Variants in XKR9 observed in about 807,000 individuals in gnomAD.
XKR9 encodes XK-related protein 9.
A neutral mutation model predicts 32.0 loss-of-function variants in XKR9; 32 were observed. The ratio of observed to expected loss-of-function variants is 1.00; its 90% CI spans 0.76 to 1.34. XKR9 has a LOEUF of 1.34. XKR9 is among the 40% of genes most tolerant of loss of function. The pLI is 0.00. For synonymous variants in XKR9, 168 were observed against 143.4 expected (o/e 1.17, Z -1.22); for missense variants, 546 against 429.7 (o/e 1.27, Z -2.39).
chr8:70,730,390 C>T (rs1806624328), intron 4 of XKR9, among the ~76,000 whole-genome samples: 1 of 151,982 alleles, frequency 6.6e-6, no homozygotes, highest in African/African-American at 2.4e-5. Context: ...ACAGTTTTCT[C>T]CATAGAGCTC....
intron 2 of XKR9, among the ~76,000 whole-genome samples, chr8:70,756,970 A>C (rs1482048237): frequency 6.6e-6 from 1 of 152,226 alleles, no homozygotes; most frequent in African/African-American, 2.4e-5. Flanking sequence ...TATGATGTTA[A>C]CTGTGGATAT....
chr8:70,696,769 TG>T (rs1168252354), intron 3 of XKR9, among the ~76,000 whole-genome samples: 1 of 151,492 alleles, frequency 6.6e-6, no homozygotes, highest in East Asian at 1.9e-4. Flanking sequence ...TAAATTACCT[TG>T]GGCAGTATGG....
chr8:70,901,501 G>T, the XKR9 span, among the ~76,000 whole-genome samples: 5 of 152,226 alleles, frequency 3.3e-5, no homozygotes, highest in East Asian at 9.7e-4. Flanking sequence ...CTTTTTGAAG[G>T]GGTGTTTGGT....
intron 4 of XKR9, among the ~76,000 whole-genome samples, chr8:70,723,436 G>C (rs543261025): frequency 1.3e-5 from 2 of 152,148 alleles, no homozygotes; most frequent in Non-Finnish European, 1.5e-5. Flanking sequence ...CCTCATCTTC[G>C]TGGATTTATC....
At chr8:70,882,123 G>A in the XKR9 span, among the ~76,000 whole-genome samples, 46 of 152,036 alleles carry the variant, frequency 3.0e-4, no homozygotes, top group African/African-American at 8.7e-4. Context: ...GTGGTGGGGG[G>A]CTGGGGAGGG....
intron 2 of XKR9, among the ~76,000 whole-genome samples, chr8:70,759,333 T>C (rs1347889427): frequency 1.3e-5 from 2 of 151,956 alleles, no homozygotes; most frequent in African/African-American, 4.8e-5. Context: ...CAGAAAATAA[T>C]AGCTATTTTA....
chr8:70,776,690 G>A (rs2130242756), intron 2 of XKR9, among the ~76,000 whole-genome samples: 1 of 152,014 alleles, frequency 6.6e-6, no homozygotes. Context: ...GACAGCCTCT[G>A]TACCACCTGT....
chr8:70,959,366 C>T, the XKR9 span, among the ~76,000 whole-genome samples: 20 of 152,092 alleles, frequency 1.3e-4, no homozygotes, highest in African/African-American at 4.6e-4. Context: ...TATCTGGGAG[C>T]TTGTTCTAAA....
chr8:70,827,850 T>C, the XKR9 span, among the ~76,000 whole-genome samples: 1 of 152,216 alleles, frequency 6.6e-6, no homozygotes, highest in Non-Finnish European at 1.5e-5. Context: ...TAAAAATTGC[T>C]TGATTTATGG....
the XKR9 span, among the ~76,000 whole-genome samples, chr8:71,034,226 G>A: frequency 6.6e-6 from 1 of 152,036 alleles, no homozygotes. Flanking sequence ...GATCATGGGG[G>A]TGGTCCCCCC....
intron 4 of XKR9, among the ~76,000 whole-genome samples, chr8:70,729,343 G>A (rs185582537): frequency 1.2e-3 from 187 of 152,214 alleles, no homozygotes; most frequent in African/African-American, 4.3e-3. Context: ...AGTTTTCTTG[G>A]CTCTGGAAAA....
chr8:70,790,027 A>G (rs1198019615), intron 3 of XKR9: 1 of 150,538 alleles, frequency 6.6e-6, no homozygotes, highest in Non-Finnish European at 1.5e-5. Context: ...TCATTGTCCC[A>G]GTCACCTTTG....
At chr8:70,764,059 C>T (rs931892144) in intron 2 of XKR9, among the ~76,000 whole-genome samples, 1 of 152,178 alleles carries the variant, frequency 6.6e-6, no homozygotes, top group Non-Finnish European at 1.5e-5. Context: ...GAGTCTATAG[C>T]CTTATTGATG....
At chr8:71,030,688 C>G in the XKR9 span, among the ~76,000 whole-genome samples, 212 of 152,292 alleles carry the variant, frequency 1.4e-3, no homozygotes, top group African/African-American at 4.9e-3. Context: ...AGTTTAGGCA[C>G]TTAACCCTTG....
chr8:70,789,178 A>T (rs886137887), intron 2 of XKR9, among the ~76,000 whole-genome samples: 1 of 152,074 alleles, frequency 6.6e-6, no homozygotes, highest in African/African-American at 2.4e-5. Context: ...GTCTGAAGGG[A>T]AATATCTATA....
chr8:70,824,161 CA>C, the XKR9 span, among the ~76,000 whole-genome samples: 1 of 152,078 alleles, frequency 6.6e-6, no homozygotes, highest in Non-Finnish European at 1.5e-5. Context: ...TAGGCAAAAG[CA>C]GACTATTTTC....
At chr8:70,954,177 G>A in the XKR9 span, among the ~76,000 whole-genome samples, 1 of 152,046 alleles carries the variant, frequency 6.6e-6, no homozygotes, top group Non-Finnish European at 1.5e-5. Context: ...GGTGAGAGCA[G>A]GGCAGGCTGC....
intron 2 of XKR9, among the ~76,000 whole-genome samples, chr8:70,756,411 G>A (rs2094388209): frequency 6.6e-6 from 1 of 152,162 alleles, no homozygotes; most frequent in Non-Finnish European, 1.5e-5. Flanking sequence ...AAATTAGCTA[G>A]GATTCTGATA....
chr8:70,729,355 A>C (rs1215388755), intron 4 of XKR9, among the ~76,000 whole-genome samples: 5 of 152,228 alleles, frequency 3.3e-5, no homozygotes, highest in African/African-American at 7.2e-5. Context: ...TCTGGAAAAC[A>C]AAAAGGATCA....
Sources: gnomAD v4.1 joint callset for allele counts (sites outside exome capture counted in the v4.1 genomes callset) on GRCh38, gnomAD v4.1.1 for gene constraint, MANE v1.5 for transcripts, NCBI Gene and HGNC (gene_info 2026-07-23, HGNC 2026-07-21) for gene names.